The following PAK5 variants were observed in gnomAD, a reference collection of about 807,000 sequenced individuals.
PAK5 encodes p21 (RAC1) activated kinase 5.
PAK5 carries 16 observed loss-of-function variants against 65.9 expected under a neutral mutation model. The observed-to-expected ratio is 0.24, with a 90% CI of 0.16 to 0.37. The LOEUF (loss-of-function observed/expected upper bound fraction) is 0.37, where lower values mean the gene tolerates loss of function less well. Ranked by LOEUF, PAK5 falls within the 10% of genes least tolerant of loss-of-function variation. The pLI is 1.00. For missense variants in PAK5, 785 were observed against 903.9 expected (o/e 0.87, Z 1.69); for synonymous variants, 371 against 354.9 (o/e 1.05, Z -0.51).
chr20:9,578,236 A>G (rs186640803), intron 4 of PAK5, among the ~76,000 whole-genome samples: 3 of 152,318 alleles, frequency 2.0e-5, no homozygotes, highest in Admixed American at 2.0e-4. Flanking sequence ...CTTCTAGGAA[A>G]TGAGTGTGCA....
chr20:9,829,725 T>C (rs181317115), intron 1 of PAK5, among the ~76,000 whole-genome samples: 1 of 152,304 alleles, frequency 6.6e-6, no homozygotes, highest in Non-Finnish European at 1.5e-5. Flanking sequence ...GTTACAGATC[T>C]CAATATTTAA....
At chr20:9,832,463 G>C (rs576301309) in intron 1 of PAK5, among the ~76,000 whole-genome samples, 55 of 152,180 alleles carry the variant, frequency 3.6e-4, no homozygotes, top group African/African-American at 1.3e-3. Flanking sequence ...AGTAGAGATG[G>C]GGTTTTCCCA....
chr20:9,620,743 A>G (rs1429218870), intron 3 of PAK5, among the ~76,000 whole-genome samples: 2 of 152,066 alleles, frequency 1.3e-5, no homozygotes, highest in Non-Finnish European at 2.9e-5. Flanking sequence ...AGAGTCTGAG[A>G]GATGGTGGAG....
chr20:9,736,670 A>G (rs1217548635), intron 1 of PAK5, among the ~76,000 whole-genome samples: 2 of 152,204 alleles, frequency 1.3e-5, no homozygotes, highest in Non-Finnish European at 2.9e-5. Context: ...ATCTTATACC[A>G]TCTTTAGAAG....
rs537471285 is a variant in PAK5, at chr20:9,823,571, C to T, written c.-162+15191G>A. Reference sequence around the variant, plus strand: ...TAATCTTGCCTTCCGCCATGTAAGACGATCGTTTGCTCTTCCTTCGTCATC... The same window carrying T: ...TAATCTTGCCTTCCGCCATGTAAGATGATCGTTTGCTCTTCCTTCGTCATC... On this transcript the variant is annotated intron_variant, in intron 1 of 9. Transcript: ENST00000353224. Among the ~76,000 whole-genome samples, 11 of 152,286 alleles carry T rather than the reference C, an allele frequency of 7.2e-5. No individual in the cohort carries two copies. In the East Asian group the frequency reaches 7.7e-4, roughly 11 times the overall value.
At chr20:9,763,487 T>C (rs1055319481) in intron 1 of PAK5, among the ~76,000 whole-genome samples, 1 of 151,868 alleles carries the variant, frequency 6.6e-6, no homozygotes, top group Non-Finnish European at 1.5e-5. Context: ...TCCTAACTGA[T>C]ACAGACACAT....
At chr20:9,759,388 A>G (rs1395818607) in intron 1 of PAK5, among the ~76,000 whole-genome samples, 1 of 152,192 alleles carries the variant, frequency 6.6e-6, no homozygotes. Context: ...CAAGGTGAAC[A>G]GATGATCACG....
chr20:9,660,268 T>G (rs1454311631), intron 2 of PAK5, among the ~76,000 whole-genome samples: 3 of 150,564 alleles, frequency 2.0e-5, no homozygotes, highest in African/African-American at 7.3e-5. Flanking sequence ...GTAAACTGGC[T>G]GTGGGCAAGT....
chr20:9,584,521 C>G (rs1227120493), intron 3 of PAK5, among the ~76,000 whole-genome samples: 1 of 152,148 alleles, frequency 6.6e-6, no homozygotes, highest in East Asian at 1.9e-4. Flanking sequence ...CCATGTTGGT[C>G]AGGCTGGTCT....
intron 3 of PAK5, among the ~76,000 whole-genome samples, chr20:9,582,134 C>T (rs1339124515): frequency 1.3e-5 from 2 of 152,162 alleles, no homozygotes; most frequent in Non-Finnish European, 2.9e-5. Context: ...ACAGAGTTCT[C>T]ATAGACTTCT....
At chr20:9,630,092 C>A (rs971434700) in intron 3 of PAK5, among the ~76,000 whole-genome samples, 1 of 152,156 alleles carries the variant, frequency 6.6e-6, no homozygotes, top group African/African-American at 2.4e-5. Flanking sequence ...CCTCTGGTTT[C>A]TTCTTTCTGC....
chr20:9,604,226 C>A (rs1303011859), intron 3 of PAK5, among the ~76,000 whole-genome samples: 1 of 152,202 alleles, frequency 6.6e-6, no homozygotes, highest in Non-Finnish European at 1.5e-5. Context: ...CTGCCTAGGG[C>A]ACTGAGGTCC....
At chr20:9,563,292 A>G (rs1465144715) in intron 5 of PAK5, among the ~76,000 whole-genome samples, 1 of 152,196 alleles carries the variant, frequency 6.6e-6, no homozygotes, top group African/African-American at 2.4e-5. Flanking sequence ...CCAAAGCAAG[A>G]TTTGCATTCA....
chr20:9,623,677 G>A (rs1159235930), intron 3 of PAK5, among the ~76,000 whole-genome samples: 1 of 152,106 alleles, frequency 6.6e-6, no homozygotes, highest in Admixed American at 6.5e-5. Flanking sequence ...ATAAGACAAG[G>A]GGGCATTTAA....
chr20:9,721,866 A>G (rs2048219361), intron 1 of PAK5, among the ~76,000 whole-genome samples: 1 of 152,134 alleles, frequency 6.6e-6, no homozygotes, highest in Admixed American at 6.6e-5. Flanking sequence ...TAAAATGTCC[A>G]GAAGCAATAG....
At chr20:9,559,429 T>C (rs2045559987) in intron 6 of PAK5, among the ~76,000 whole-genome samples, 1 of 152,140 alleles carries the variant, frequency 6.6e-6, no homozygotes, top group South Asian at 2.1e-4. Context: ...AAGTAAGGTA[T>C]AAAGTGGTAG....
intron 2 of PAK5, among the ~76,000 whole-genome samples, chr20:9,703,940 A>T (rs1372217679): frequency 6.6e-6 from 1 of 152,168 alleles, no homozygotes; most frequent in Admixed American, 6.6e-5. Flanking sequence ...CTCATAAGGC[A>T]CCTGCTTCAG....
chr20:9,560,467 C>T (rs1568963413), intron 6 of PAK5, among the ~76,000 whole-genome samples: 1 of 152,134 alleles, frequency 6.6e-6, no homozygotes, highest in Non-Finnish European at 1.5e-5. Context: ...TCAAGTGATC[C>T]TCCTGTCTTA....
chr20:9,829,383 A>G (rs1400613616), intron 1 of PAK5, among the ~76,000 whole-genome samples: 4 of 152,188 alleles, frequency 2.6e-5, no homozygotes, highest in Non-Finnish European at 5.9e-5. Context: ...GTATACCACA[A>G]TGGCCTTTGG....
Sources: allele counts gnomAD v4.1 joint callset (sites outside exome capture counted in the v4.1 genomes callset), GRCh38; gene constraint gnomAD v4.1.1; transcripts MANE v1.5; gene names NCBI Gene and HGNC (gene_info 2026-07-23, HGNC 2026-07-21).